The following ZNF618 variants were observed in gnomAD, a reference collection of about 807,000 sequenced individuals.
ZNF618 encodes neural precursor cell expressed, developmentally down-regulated 10.
In ZNF618, 34 loss-of-function variants were observed where a neutral mutation model predicts 103.0. The observed-to-expected ratio is 0.33, with a 90% CI of 0.25 to 0.44. The LOEUF is 0.44. Among genes scored for constraint, ZNF618 ranks in the 20% least tolerant of loss-of-function variants. ZNF618 has a pLI of 1.00. For missense variants in ZNF618, 1,059 were observed against 1,295.4 expected (o/e 0.82, Z 2.80); for synonymous variants, 551 against 542.2 (o/e 1.02, Z -0.23).
chr9:113,930,194 G>GT, intron 1 of ZNF618, among the ~76,000 whole-genome samples: 2 of 152,128 alleles, frequency 1.3e-5, no homozygotes, highest in African/African-American at 2.4e-5. Flanking sequence ...TTTCCCCCAA[G>GT]TTTTTTGGGG....
At chr9:113,995,937 G>A (rs542796381) in intron 3 of ZNF618, among the ~76,000 whole-genome samples, 1 of 152,310 alleles carries the variant, frequency 6.6e-6, no homozygotes, top group Admixed American at 6.5e-5. Context: ...AGAGTGGGAA[G>A]AACCAGCGAG....
At position 114,049,868 on chromosome 9, in the gene ZNF618, G is replaced by C. The variant is rs777681009; in HGVS notation, c.2566G>C (p.Ala856Pro). The change falls in exon 15 of 15, where the codon GCT (alanine) becomes CCT (proline). Residue 856 changes from alanine (A) to proline (P), a missense_variant. By Grantham distance (27) the Ala-to-Pro change is conservative (BLOSUM62 -1). Coordinates refer to ENST00000374126, the MANE Select transcript of ZNF618 (RefSeq NM_001318042.2). ...FEPAAKKPRS[A>P]AVENPAAQED... ...GCCCGCTGCCAAGAAGCCCCGCTCT[G>C]CTGCCGTCGAGAACCCCGCAGCTCA... 1 of 1,613,930 alleles carries C rather than the reference G, an allele frequency of 6.2e-7. No homozygotes were observed. Among genetic ancestry groups the C allele is most frequent in the Admixed American group, 1.7e-5 (1 of 60,034 alleles).
In ZNF618 at chr9:114,035,359, A is replaced by T. The variant is rs1279113046; in HGVS notation, c.1169-941A>T. On this transcript the variant is annotated intron_variant, in intron 12 of 14. Coordinates refer to ENST00000374126, the MANE Select transcript of ZNF618 (RefSeq NM_001318042.2). ...TGGGCCTTGGGCTGCCCTCCCGGGC[A>T]GACCCGGCAGCTGGTGGAGGCAGGC... 5 of 636,340 alleles carry T rather than the reference A, an allele frequency of 7.9e-6. No individual in the cohort carries two copies. In the East Asian group the frequency reaches 7.0e-4, roughly 89 times the overall value. 39.4% of individuals were successfully genotyped at this position (636,340 alleles called of 1,614,324 possible).
rs567695956 is a variant in ZNF618 at position 113,917,525 on chromosome 9, G to GT, written c.33+41114dup. ...TGTCCCGGCCTCCTAAAGTGCTGGG[G>GT]TTATAGGCGTGAGCCACCGTGTCTG... On this transcript the variant is annotated intron_variant, in intron 1 of 14. Transcript: ENST00000374126. Among the ~76,000 whole-genome samples the GT allele has an allele frequency of 6.6e-3, 998 of 151,700 alleles. 12 individuals carry two copies. Among genetic ancestry groups the GT allele is most frequent in the African/African-American group, 0.022 (902 of 41,356 alleles).
chr9:113,898,077 G>A (rs1401495233), intron 1 of ZNF618, among the ~76,000 whole-genome samples: 1 of 152,186 alleles, frequency 6.6e-6, no homozygotes, highest in East Asian at 1.9e-4. Context: ...ACAGGCGTGA[G>A]CCACTGTGCC....
chr9:114,039,208 C>T (rs1052211214), intron 13 of ZNF618, among the ~76,000 whole-genome samples: 7 of 152,104 alleles, frequency 4.6e-5, no homozygotes, highest in Non-Finnish European at 2.9e-5. Flanking sequence ...TCAGCCTCCG[C>T]GTTAAAGTAC....
At chr9:113,961,286 C>G (rs1836823009) in intron 1 of ZNF618, among the ~76,000 whole-genome samples, 1 of 152,174 alleles carries the variant, frequency 6.6e-6, no homozygotes, top group African/African-American at 2.4e-5. Context: ...ATTAAGTCAT[C>G]AATGCCTGTC....
chr9:113,969,167 T>C lies in ZNF618; in HGVS notation c.77+7T>C, dbSNP rs1200863738. ...GGAAAAGCACTGCGAGCAGGTACAC[T>C]CCCTCTCCCGCCCCCAGCTTGTCCA... On this transcript the variant is annotated splice_region_variant and intron_variant, in intron 2 of 14. Coordinates refer to ENST00000374126, the MANE Select transcript of ZNF618 (RefSeq NM_001318042.2). 1.2e-6 allele frequency: 2 copies of C among 1,613,752 alleles called. No individual in the cohort carries two copies. The highest frequency in any genetic ancestry group is 2.7e-5 in the African/African-American group (2 of 74,886).
At chr9:113,982,151 T>G (rs1839036025) in intron 2 of ZNF618, among the ~76,000 whole-genome samples, 1 of 152,232 alleles carries the variant, frequency 6.6e-6, no homozygotes, top group Non-Finnish European at 1.5e-5. Flanking sequence ...TTTACAAACT[T>G]CACTGCTTTG....
intron 14 of ZNF618, among the ~76,000 whole-genome samples, chr9:114,048,423 A>G (rs557367364): frequency 6.6e-6 from 1 of 152,346 alleles, no homozygotes; most frequent in African/African-American, 2.4e-5. Flanking sequence ...TTGCATACAT[A>G]CCACTACATT....
chr9:113,964,324 A>G (rs762396855), intron 1 of ZNF618, among the ~76,000 whole-genome samples: 1 of 152,218 alleles, frequency 6.6e-6, no homozygotes, highest in Non-Finnish European at 1.5e-5. Flanking sequence ...TTGTGCAAGC[A>G]TGACAAATCA....
intron 2 of ZNF618, among the ~76,000 whole-genome samples, chr9:113,979,625 C>T (rs146233941): frequency 3.1e-4 from 47 of 152,334 alleles, no homozygotes; most frequent in African/African-American, 1.1e-3. Context: ...TTGCCTGGAT[C>T]AGAGGCTACA....
At chr9:113,997,388 C>T (rs538917697) in intron 3 of ZNF618, among the ~76,000 whole-genome samples, 10 of 152,296 alleles carry the variant, frequency 6.6e-5, no homozygotes, top group African/African-American at 1.9e-4. Flanking sequence ...AGATTCACCG[C>T]GCACAGCCCA....
chr9:114,029,103 T>A (rs535525789), intron 11 of ZNF618, 131 bp downstream of exon 11: 124 of 1,317,528 alleles, frequency 9.4e-5, no homozygotes, highest in Middle Eastern at 5.6e-4. Context: ...CTGGGACAAA[T>A]CTGAGTCCCA....
At chr9:113,877,649 T>TTG (rs147290113) in intron 1 of ZNF618, among the ~76,000 whole-genome samples, 19 of 151,810 alleles carry the variant, frequency 1.3e-4, no homozygotes, top group Admixed American at 5.9e-4. Context: ...TTGTTGGGTT[T>TTG]TGTGTGTGTG....
Position 114,032,625 on chromosome 9 carries a change from C to G in ZNF618, c.1085-20C>G, listed in dbSNP as rs761636946. The G allele has an allele frequency of 2.5e-6, 4 of 1,612,542 alleles. No homozygotes were observed. In the South Asian group the frequency reaches 4.4e-5, roughly 18 times the overall value. On this transcript the variant is annotated intron_variant, in intron 11 of 14. Coordinates refer to ENST00000374126, the MANE Select transcript of ZNF618 (RefSeq NM_001318042.2). ...GACCAATCACCATTGTTTTCTTTCT[C>G]TCTCCTGTCCCCCACCCAGCAGAAA...
chr9:113,983,523 TC>T lies in ZNF618; in HGVS notation c.78-4797del, dbSNP rs1471101771. ...ATAGAGGGTGGCTCACTGGTCCCCATCTTCTGTGAACTCAGTCAGGAATCTG... is the reference window on the plus strand; with the variant it reads ...ATAGAGGGTGGCTCACTGGTCCCCATTTCTGTGAACTCAGTCAGGAATCTG... On this transcript the variant is annotated intron_variant, in intron 2 of 14. Transcript: ENST00000374126. 1.4e-4 allele frequency among the ~76,000 whole-genome samples: 22 copies of T among 152,260 alleles called. No homozygotes were observed. In the East Asian group the frequency reaches 3.9e-3, roughly 27 times the overall value.
At chr9:114,040,992 G>T (rs1427204920) in intron 13 of ZNF618, among the ~76,000 whole-genome samples, 3 of 152,178 alleles carry the variant, frequency 2.0e-5, no homozygotes, top group Non-Finnish European at 4.4e-5. Context: ...TCCAGCACCT[G>T]TTGTTTCCTG....
chr9:114,050,234 G>A lies in ZNF618; in HGVS notation c.*67G>A. The A allele has an allele frequency of 1.4e-6, 2 of 1,480,410 alleles. No homozygotes were observed. Among genetic ancestry groups the A allele is most frequent in the Non-Finnish European group, 9.0e-7 (1 of 1,116,334 alleles). The allele number at this position is 1,480,410 out of a possible 1,614,324, so 91.7% of individuals were successfully genotyped here. On this transcript the variant is annotated 3_prime_UTR_variant, in exon 15 of 15. Coordinates refer to ENST00000374126, the MANE Select transcript of ZNF618 (RefSeq NM_001318042.2). Reference sequence around the variant, plus strand: ...CATTAGAAAAAAACCACACAACACTGTCACAAAGAAAAGGAATTTAAGTTC... The same window carrying A: ...CATTAGAAAAAAACCACACAACACTATCACAAAGAAAAGGAATTTAAGTTC...
Sources: allele counts gnomAD v4.1 joint callset (sites outside exome capture counted in the v4.1 genomes callset), GRCh38; gene constraint gnomAD v4.1.1; transcripts MANE v1.5; gene names NCBI Gene and HGNC (gene_info 2026-07-23, HGNC 2026-07-21).